Variants in TEKT5 observed in about 807,000 individuals in gnomAD.
TEKT5 encodes the protein tektin 5, also known as tektin-5.
Under a neutral mutation model 48.7 loss-of-function variants are expected in TEKT5, and 52 were observed. That is an observed-to-expected ratio of 1.07 (90% confidence interval 0.86 to 1.35). The LOEUF (loss-of-function observed/expected upper bound fraction) is 1.35, where lower values mean the gene tolerates loss of function less well. TEKT5 is among the 40% of genes most tolerant of loss of function. TEKT5 has a pLI of 0.00. For synonymous variants in TEKT5, 318 were observed against 267.6 expected (o/e 1.19, Z -1.84); for missense variants, 831 against 641.6 (o/e 1.30, Z -3.19).
intron 5 of TEKT5, among the ~76,000 whole-genome samples, chr16:10,667,188 G>T (rs2541512): frequency 0.34 from 51,805 of 151,360 alleles, 10,013 homozygotes; most frequent in East Asian, 0.54. Flanking sequence ...CTTACTCTGT[G>T]GCCCAGGCTG....
At chr16:10,630,314 C>T (rs1897820563) in intron 6 of TEKT5, among the ~76,000 whole-genome samples, 1 of 151,922 alleles carries the variant, frequency 6.6e-6, no homozygotes, top group African/African-American at 2.4e-5. Context: ...TAGCTTACTG[C>T]AGCCTCAAAC....
chr16:10,690,946 G>A (rs554414944), intron 1 of TEKT5, among the ~76,000 whole-genome samples: 22 of 152,224 alleles, frequency 1.4e-4, no homozygotes, highest in Non-Finnish European at 3.1e-4. Flanking sequence ...CCTTCTGTGA[G>A]ACATGCTCTG....
At chr16:10,680,623 T>C (rs1424704753) in intron 4 of TEKT5, among the ~76,000 whole-genome samples, 1 of 151,938 alleles carries the variant, frequency 6.6e-6, no homozygotes, top group Non-Finnish European at 1.5e-5. Context: ...TGTCCAACGA[T>C]GATAGACTGG....
chr16:10,659,651 A>G (rs1002525533), intron 5 of TEKT5, among the ~76,000 whole-genome samples: 2 of 152,210 alleles, frequency 1.3e-5, no homozygotes, highest in Non-Finnish European at 1.5e-5. Flanking sequence ...GTGAGCCACC[A>G]CACCTGGCAA....
intron 6 of TEKT5, among the ~76,000 whole-genome samples, chr16:10,633,176 C>T (rs1242595965): frequency 1.3e-5 from 2 of 152,168 alleles, no homozygotes; most frequent in Non-Finnish European, 2.9e-5. Context: ...GCCTGACCAA[C>T]ATGGTGAAAC....
Position 10,629,547 on chromosome 16 carries a change from G to A in TEKT5, c.1242-1748C>T, listed in dbSNP as rs149171876. On this transcript the variant is annotated intron_variant, in intron 6 of 6. Coordinates refer to ENST00000283025, the MANE Select transcript of TEKT5 (RefSeq NM_144674.2). ...ATTACAGGCATGAGCCACCACGCCT[G>A]GCCCTATAATTTTTTAATAAACAGG... Among the ~76,000 whole-genome samples, 800 of 152,026 alleles carry A rather than the reference G, an allele frequency of 5.3e-3. 6 individuals carry two copies. The highest frequency in any genetic ancestry group is 0.018 in the African/African-American group (759 of 41,466).
chr16:10,683,830 C>T (rs960878534), intron 3 of TEKT5, among the ~76,000 whole-genome samples: 6 of 152,160 alleles, frequency 3.9e-5, no homozygotes, highest in South Asian at 4.1e-4. Flanking sequence ...TGACCTCAGG[C>T]GATCCGCCTG....
chr16:10,645,250 T>C (rs1898052684), intron 5 of TEKT5, among the ~76,000 whole-genome samples: 2 of 152,200 alleles, frequency 1.3e-5, no homozygotes, highest in South Asian at 2.1e-4. Flanking sequence ...GGCTCACACC[T>C]ATAATCCTAA....
At chr16:10,652,603 GACACACACAC>G (rs71133381) in intron 5 of TEKT5, among the ~76,000 whole-genome samples, 5 of 12,248 alleles carry the variant, frequency 4.1e-4, no homozygotes, top group East Asian at 2.6e-3. Context: ...TACACAGGCA[GACACACACAC>G]ACACACACAC....
At chr16:10,639,870 G>A (rs530200521) in intron 5 of TEKT5, among the ~76,000 whole-genome samples, 4 of 152,290 alleles carry the variant, frequency 2.6e-5, no homozygotes, top group Admixed American at 2.6e-4. Context: ...TGTCCCCTCT[G>A]CATCTGCATC....
intron 5 of TEKT5, among the ~76,000 whole-genome samples, chr16:10,662,591 C>A (rs1898392147): frequency 6.6e-6 from 1 of 152,250 alleles, no homozygotes; most frequent in Non-Finnish European, 1.5e-5. Flanking sequence ...CCCTTCTGTG[C>A]TGTGCTGCCC....
At chr16:10,649,925 G>T (rs1157518166) in intron 5 of TEKT5, among the ~76,000 whole-genome samples, 1 of 152,116 alleles carries the variant, frequency 6.6e-6, no homozygotes, top group African/African-American at 2.4e-5. Flanking sequence ...CTGCTCCTAC[G>T]GAGCCTGTTC....
chr16:10,631,495 G>A (rs987312386), intron 6 of TEKT5, among the ~76,000 whole-genome samples: 1 of 152,100 alleles, frequency 6.6e-6, no homozygotes, highest in Admixed American at 6.6e-5. Context: ...GAATCCACAT[G>A]GAGCGGATCG....
At chr16:10,652,721 A>C (rs563356080) in intron 5 of TEKT5, among the ~76,000 whole-genome samples, 4 of 99,188 alleles carry the variant, frequency 4.0e-5, no homozygotes, top group East Asian at 7.0e-4. Context: ...ACACACACAC[A>C]CACCCTCCAG....
intron 1 of TEKT5, chr16:10,692,925 T>G (rs1899006819): frequency 6.6e-6 from 1 of 152,250 alleles, no homozygotes; most frequent in South Asian, 2.1e-4. Context: ...TGTCTCCCTC[T>G]GGAATTTTCC....
rs560724229 is a variant in TEKT5 at position 10,693,106 on chromosome 16, T to G, written c.564+1204A>C. On this transcript the variant is annotated intron_variant, in intron 1 of 6. Transcript: ENST00000283025. Reference sequence around the variant, plus strand: ...TTGTTTGTTGTTTGTTTGTTTGTTTTGTTTTTTGAGATGGAGTCTTGCTTT... The same window carrying G: ...TTGTTTGTTGTTTGTTTGTTTGTTTGGTTTTTTGAGATGGAGTCTTGCTTT... The G allele has an allele frequency of 4.6e-5, 7 of 152,444 alleles. 1 individual carries two copies. The Middle Eastern group carries it at 0.014, about 296-fold the overall frequency. 9.4% of individuals were successfully genotyped at this position (152,444 alleles called of 1,614,324 possible).
intron 6 of TEKT5, among the ~76,000 whole-genome samples, chr16:10,632,088 G>T (rs1371193817): frequency 2.0e-5 from 3 of 152,110 alleles, no homozygotes; most frequent in African/African-American, 7.2e-5. Flanking sequence ...TGGGAAGCCT[G>T]GGCTAGAGAG....
chr16:10,648,324 A>C (rs2541544), intron 5 of TEKT5, among the ~76,000 whole-genome samples: 2 of 147,788 alleles, frequency 1.4e-5, no homozygotes, highest in Non-Finnish European at 3.0e-5. Context: ...TTTATTTATC[A>C]TTTTTTTTTT....
intron 5 of TEKT5, among the ~76,000 whole-genome samples, chr16:10,675,317 G>A (rs1424241855): frequency 6.6e-6 from 1 of 152,138 alleles, no homozygotes; most frequent in East Asian, 1.9e-4. Flanking sequence ...CGCAGCATCT[G>A]GCACCCAGTG....
Sources: allele counts gnomAD v4.1 joint callset (sites outside exome capture counted in the v4.1 genomes callset), GRCh38; gene constraint gnomAD v4.1.1; transcripts MANE v1.5; gene names NCBI Gene and HGNC (gene_info 2026-07-23, HGNC 2026-07-21).